Variants in RELN observed in about 807,000 individuals in gnomAD.
RELN encodes the protein reelin.
A neutral mutation model predicts 427.6 loss-of-function variants in RELN; 108 were observed. The ratio of observed to expected loss-of-function variants is 0.25; its 90% CI spans 0.22 to 0.30. RELN has a LOEUF of 0.30. Ranked by LOEUF, RELN falls within the 10% of genes least tolerant of loss-of-function variation. The pLI is 1.00. For missense variants in RELN, 3,715 were observed against 4,302.8 expected (o/e 0.86, Z 3.82); for synonymous variants, 1,524 against 1,513.4 (o/e 1.01, Z -0.16).
intron 17 of RELN, among the ~76,000 whole-genome samples, 172 bp from the exon 18 acceptor site, chr7:103,636,640 G>A (rs1161891432): frequency 6.6e-6 from 1 of 152,094 alleles, no homozygotes; most frequent in African/African-American, 2.4e-5. Flanking sequence ...CTAATCGACT[G>A]TAAATATTCC....
intron 29 of RELN, among the ~76,000 whole-genome samples, chr7:103,574,821 TA>T (rs936200647): frequency 2.0e-4 from 30 of 151,366 alleles, no homozygotes; most frequent in Non-Finnish European, 4.0e-4. Context: ...GGAAAAATAA[TA>T]AAAAAAAAGA....
intron 1 of RELN, among the ~76,000 whole-genome samples, chr7:103,933,983 T>C (rs1229793035): frequency 6.6e-6 from 1 of 152,220 alleles, no homozygotes; most frequent in Admixed American, 6.5e-5. Flanking sequence ...CCTGCCCACC[T>C]TTCCATGAGA....
intron 19 of RELN, among the ~76,000 whole-genome samples, chr7:103,632,081 G>A (rs2117339349): frequency 6.6e-6 from 1 of 152,314 alleles, no homozygotes; most frequent in African/African-American, 2.4e-5. Context: ...AAGGAAAATA[G>A]TGTATATGAA....
chr7:103,674,094 T>C (rs1833455605), intron 11 of RELN, among the ~76,000 whole-genome samples: 1 of 152,214 alleles, frequency 6.6e-6, no homozygotes, highest in Non-Finnish European at 1.5e-5. Flanking sequence ...ACTTAACATC[T>C]CTTTTTCTGT....
In RELN at chr7:103,500,845, C is replaced by T. The variant is rs1415618847; in HGVS notation, c.8567G>A (p.Cys2856Tyr). ...AIDNFYLGPG[C>Y]LDNCRGHGDC... Reference sequence around the variant, plus strand: ...TCCATGGCCCCTGCAGTTGTCCAAGCATCCAGGGCCCAGGTAGAAATTATC... The same window carrying T: ...TCCATGGCCCCTGCAGTTGTCCAAGTATCCAGGGCCCAGGTAGAAATTATC... The change falls in exon 53 of 65, where the codon TGC (cysteine) becomes TAC (tyrosine). Residue 2856 changes from cysteine (C) to tyrosine (Y), a missense_variant. Around this residue, in one of 4 missense-constraint regions of RELN, gnomAD observed 1,310 missense variants for 1,643.0 expected, o/e 0.80. Transcript: ENST00000428762. 2 of 1,614,108 alleles carry T rather than the reference C, an allele frequency of 1.2e-6. No individual in the cohort carries two copies. Among genetic ancestry groups the T allele is most frequent in the East Asian group, 4.5e-5 (2 of 44,882 alleles).
intron 1 of RELN, among the ~76,000 whole-genome samples, chr7:103,922,136 T>A (rs1458561919): frequency 6.6e-6 from 1 of 152,054 alleles, no homozygotes; most frequent in Non-Finnish European, 1.5e-5. Flanking sequence ...AATTGTAAAA[T>A]CTAACTTCTA....
intron 1 of RELN, among the ~76,000 whole-genome samples, chr7:103,986,577 T>C (rs532561090): frequency 2.3e-4 from 35 of 149,796 alleles, no homozygotes; most frequent in African/African-American, 8.6e-4. Context: ...AGAAATGTTC[T>C]ATGTTAGGTG....
In RELN at chr7:103,589,657, T is replaced by C; in HGVS notation, c.4084A>G (p.Thr1362Ala). 6.2e-7 allele frequency: 1 copy of C among 1,614,160 alleles called. No homozygotes were observed. Residue 1362 changes from threonine (T) to alanine (A), a missense_variant, in exon 28 of 65, where the codon ACA becomes GCA. Transcript: ENST00000428762. Reference sequence around the variant, plus strand: ...CTTGTCCATTCTTCAAAGTCCCCTGTGTGATACATGGTGGGCTCACTTAGT... The same window carrying C: ...CTTGTCCATTCTTCAAAGTCCCCTGCGTGATACATGGTGGGCTCACTTAGT... ...RELSEPTMYH[T>A]GDFEEWTRIT... is the part of the protein sequence containing the mutation.
At chr7:103,861,078 ATTCTC>A (rs1423965084) in intron 2 of RELN, among the ~76,000 whole-genome samples, 4 of 152,186 alleles carry the variant, frequency 2.6e-5, no homozygotes, top group Non-Finnish European at 5.9e-5. Context: ...AGTAGGATGT[ATTCTC>A]TTCTCCTTGC....
At chr7:103,833,391 T>C in intron 3 of RELN, 146 bp downstream of exon 3, 2 of 824,770 alleles carry the variant, frequency 2.4e-6, no homozygotes, top group South Asian at 1.5e-5. Flanking sequence ...AAAAAGTTTT[T>C]ACCTTTTTTG....
At chr7:103,627,955 C>T (rs1449855808) in intron 20 of RELN, 2 of 152,166 alleles carry the variant, frequency 1.3e-5, no homozygotes, top group African/African-American at 4.8e-5. Flanking sequence ...AAATGCTCAG[C>T]AACTTTTGCA....
chr7:103,664,843 T>C (rs1833223115), intron 11 of RELN, among the ~76,000 whole-genome samples: 1 of 152,200 alleles, frequency 6.6e-6, no homozygotes, highest in Non-Finnish European at 1.5e-5. Flanking sequence ...TTCTTATGAT[T>C]TGAATTCTTT....
At chr7:103,918,817 T>C (rs1446161801) in intron 1 of RELN, among the ~76,000 whole-genome samples, 2 of 152,136 alleles carry the variant, frequency 1.3e-5, no homozygotes, top group South Asian at 2.1e-4. Context: ...TATTTAAATA[T>C]GTAAAATGCT....
intron 31 of RELN, among the ~76,000 whole-genome samples, chr7:103,567,348 C>T (rs1830777235): frequency 6.6e-6 from 1 of 152,234 alleles, no homozygotes; most frequent in Non-Finnish European, 1.5e-5. Flanking sequence ...TTCTCTGTGT[C>T]ACCTTTTCCC....
chr7:103,788,255 A>G (rs971172066), intron 3 of RELN, among the ~76,000 whole-genome samples: 4 of 152,218 alleles, frequency 2.6e-5, no homozygotes. Flanking sequence ...AAAAACTGGA[A>G]GCATTCCCTT....
chr7:103,479,732 T>C (rs1828164051), intron 63 of RELN, among the ~76,000 whole-genome samples: 1 of 152,194 alleles, frequency 6.6e-6, no homozygotes, highest in East Asian at 1.9e-4. Context: ...ATTACAAATC[T>C]TGTTCATTTA....
intron 47 of RELN, 78 bp from the exon 48 acceptor site, chr7:103,522,277 T>C (rs1829726273): frequency 7.2e-7 from 1 of 1,390,590 alleles, no homozygotes; most frequent in East Asian, 2.3e-5. Flanking sequence ...TAGTGAAGAC[T>C]ACTCTTTTCC....
At chr7:103,695,008 T>G (rs1285518304) in intron 10 of RELN, among the ~76,000 whole-genome samples, 1 of 151,790 alleles carries the variant, frequency 6.6e-6, no homozygotes, top group South Asian at 2.1e-4. Context: ...AAAATACAAC[T>G]CCAAAAACTA....
At chr7:103,492,144 T>C (rs898045587) in intron 57 of RELN, 118 bp from the exon 58 acceptor site, 1 of 790,494 alleles carries the variant, frequency 1.3e-6, no homozygotes, top group African/African-American at 1.7e-5. Context: ...GAAGCTTTTA[T>C]AGAGCAGCCT....
Sources: allele counts gnomAD v4.1 joint callset (sites outside exome capture counted in the v4.1 genomes callset), GRCh38; gene constraint gnomAD v4.1.1; regional missense constraint gnomAD v4.1.1; transcripts MANE v1.5; gene names NCBI Gene and HGNC (gene_info 2026-07-23, HGNC 2026-07-21).